LPP: variants seen among roughly 807,000 people sequenced by gnomAD.
The protein encoded by LPP is lipoma-preferred partner.
In LPP, 38 loss-of-function variants were observed where a neutral mutation model predicts 60.4. The ratio of observed to expected loss-of-function variants is 0.63; its 90% CI spans 0.49 to 0.83. LPP has a LOEUF of 0.83. Among genes scored for constraint, LPP ranks in the 40% least tolerant of loss-of-function variants. The pLI, the probability that LPP is intolerant of heterozygous loss-of-function variation, is 0.00. For missense variants in LPP, 902 were observed against 783.6 expected, an observed-to-expected ratio of 1.15 and a Z score of -1.80; for synonymous variants, 328 against 290.8, an observed-to-expected ratio of 1.13 and a Z score of -1.30.
intron 4 of LPP, among the ~76,000 whole-genome samples, chr3:188,418,964 C>T (rs9870570): frequency 0.99 from 151,397 of 152,302 alleles, 75,260 homozygotes; most frequent in Non-Finnish European, 1. Flanking sequence ...CATTTTAATT[C>T]GTCATTATTT....
intron 7 of LPP, among the ~76,000 whole-genome samples, chr3:188,664,176 G>C (rs565320717): frequency 5.3e-5 from 8 of 152,336 alleles, no homozygotes; most frequent in Admixed American, 1.3e-4. Context: ...TGAGCTAAAA[G>C]TGTCCTCTTT....
rs566143576 is a variant in LPP, at chr3:188,539,449, A to G, written c.429+14662A>G. On this transcript the variant is annotated intron_variant, in intron 6 of 11. Transcript: ENST00000617246. ...ATCCGACTCTCGTGTAGCTTGAGAA[A>G]GCAGAATGAAAACCCGTATCTAGGA... Among the ~76,000 whole-genome samples, 8 of 152,300 alleles carry G rather than the reference A, an allele frequency of 5.3e-5. No individual in the cohort carries two copies. The South Asian group carries it at 1.4e-3, about 28-fold the overall frequency.
At chr3:188,635,463 T>TTA (rs1848554927) in intron 7 of LPP, among the ~76,000 whole-genome samples, 1 of 152,202 alleles carries the variant, frequency 6.6e-6, no homozygotes, top group Non-Finnish European at 1.5e-5. Context: ...GAGAACAGGC[T>TTA]TATTCAGATT....
intron 9 of LPP, among the ~76,000 whole-genome samples, chr3:188,848,607 C>T (rs1392836689): frequency 1.3e-5 from 2 of 152,188 alleles, no homozygotes; most frequent in African/African-American, 2.4e-5. Context: ...TCATCTAGTC[C>T]AACCTCTTTG....
At chr3:188,840,775 C>T (rs540902803) in intron 9 of LPP, among the ~76,000 whole-genome samples, 1 of 152,262 alleles carries the variant, frequency 6.6e-6, no homozygotes, top group East Asian at 1.9e-4. Flanking sequence ...AGGAAACTAC[C>T]AGTGAAGTGG....
intron 9 of LPP, among the ~76,000 whole-genome samples, chr3:188,800,419 G>A (rs13073958): frequency 0.12 from 18,779 of 151,400 alleles, 1,667 homozygotes; most frequent in Non-Finnish European, 0.19. Flanking sequence ...CTAATTTTTT[G>A]TATTTTTAGT....
rs926357555 is a variant in LPP at position 188,879,084 on chromosome 3, A to T, written c.*4605A>T. The T allele has an allele frequency of 1.4e-4, 31 of 228,204 alleles. No homozygotes were observed. The Admixed American group carries it at 1.8e-3, about 13-fold the overall frequency. The allele number at this position is 228,204 out of a possible 1,614,324, so 14.1% of individuals were successfully genotyped here. A position where few individuals can be genotyped will look rare whatever the true frequency, so the allele number is the denominator to read the frequency against. ...AACTTGTTCTCAGTGAGGCATTAAT[A>T]TGGTGCAACCATGAATATTTCAGGC... is the stretch of plus-strand genomic sequence containing the variant. On this transcript the variant is annotated 3_prime_UTR_variant, in exon 12 of 12. Coordinates refer to ENST00000617246, the MANE Select transcript of LPP (RefSeq NM_001375462.1).
intron 10 of LPP, among the ~76,000 whole-genome samples, chr3:188,867,178 G>A (rs1427904188): frequency 6.6e-6 from 1 of 151,104 alleles, no homozygotes; most frequent in East Asian, 1.9e-4. Context: ...TGAAAATTAA[G>A]AAATTTAAAC....
intron 8 of LPP, among the ~76,000 whole-genome samples, chr3:188,742,117 G>A (rs1342321004): frequency 6.6e-6 from 1 of 152,090 alleles, no homozygotes; most frequent in Non-Finnish European, 1.5e-5. Flanking sequence ...TCCATACATT[G>A]ATGAGAGTGG....
chr3:188,699,607 G>A (rs1278444282), intron 7 of LPP, among the ~76,000 whole-genome samples: 1 of 152,174 alleles, frequency 6.6e-6, no homozygotes, highest in East Asian at 1.9e-4. Flanking sequence ...TCCTCTTTGT[G>A]TCCTTAAAAT....
chr3:188,479,172 C>G (rs1446568232), intron 4 of LPP, among the ~76,000 whole-genome samples: 1 of 152,144 alleles, frequency 6.6e-6, no homozygotes, highest in Non-Finnish European at 1.5e-5. Flanking sequence ...CCAATCCAGT[C>G]TCTTTTGACT....
chr3:188,606,316 T>C (rs1393733660), intron 6 of LPP, among the ~76,000 whole-genome samples: 10 of 152,196 alleles, frequency 6.6e-5, no homozygotes, highest in African/African-American at 2.4e-4. Context: ...CTGTCATTTT[T>C]ATTTGAATCC....
chr3:188,305,215 T>C (rs1381384511), intron 2 of LPP, among the ~76,000 whole-genome samples: 2 of 152,174 alleles, frequency 1.3e-5, no homozygotes, highest in African/African-American at 4.8e-5. Context: ...ATACTAAATA[T>C]ATTTACTTTA....
At chr3:188,163,325 G>T (rs1261154852) in intron 1 of LPP, among the ~76,000 whole-genome samples, 1 of 152,120 alleles carries the variant, frequency 6.6e-6, no homozygotes, top group African/African-American at 2.4e-5. Flanking sequence ...GGACAGGGCA[G>T]GGTCACTGAC....
intron 8 of LPP, among the ~76,000 whole-genome samples, chr3:188,743,981 T>C (rs1239277967): frequency 2.0e-5 from 3 of 152,154 alleles, no homozygotes; most frequent in Admixed American, 1.3e-4. Context: ...GGCATTTGCA[T>C]TGTAGTAGAA....
At chr3:188,582,361 A>G (rs913372519) in intron 6 of LPP, among the ~76,000 whole-genome samples, 2 of 149,124 alleles carry the variant, frequency 1.3e-5, no homozygotes, top group African/African-American at 4.9e-5. Context: ...TTTTCTTTTT[A>G]TTAGAGATGG....
chr3:188,298,281 G>T (rs1024433895), intron 2 of LPP, among the ~76,000 whole-genome samples: 2 of 152,172 alleles, frequency 1.3e-5, no homozygotes, highest in African/African-American at 4.8e-5. Flanking sequence ...TCCTTGTCCA[G>T]AATGGATGCC....
intron 9 of LPP, among the ~76,000 whole-genome samples, chr3:188,764,964 G>A (rs1286632579): frequency 2.0e-5 from 3 of 152,050 alleles, no homozygotes; most frequent in Non-Finnish European, 2.9e-5. Flanking sequence ...GAAACTTGGC[G>A]CATTAGTGAC....
intron 2 of LPP, among the ~76,000 whole-genome samples, chr3:188,302,742 T>C (rs1321905241): frequency 6.6e-6 from 1 of 152,218 alleles, no homozygotes; most frequent in African/African-American, 2.4e-5. Flanking sequence ...ACAGCTATTG[T>C]AATATATTTT....
Sources: allele counts gnomAD v4.1 joint callset (sites outside exome capture counted in the v4.1 genomes callset), GRCh38; gene constraint gnomAD v4.1.1; transcripts MANE v1.5; gene names NCBI Gene and HGNC (gene_info 2026-07-23, HGNC 2026-07-21).